EVI5: variants seen among roughly 807,000 people sequenced by gnomAD.
EVI5 encodes the protein ecotropic viral integration site 5.
A neutral mutation model predicts 112.0 loss-of-function variants in EVI5; 73 were observed. That is an observed-to-expected ratio of 0.65 (90% CI 0.54 to 0.79). The LOEUF (loss-of-function observed/expected upper bound fraction) is 0.79, where lower values mean the gene tolerates loss of function less well. Among genes scored for constraint, EVI5 ranks in the 30% least tolerant of loss-of-function variants. EVI5 has a pLI of 0.00. For missense variants in EVI5, 900 were observed against 968.8 expected (o/e 0.93, Z 0.94); for synonymous variants, 305 against 319.9 (o/e 0.95, Z 0.50).
intron 2 of EVI5, among the ~76,000 whole-genome samples, chr1:92,729,577 C>G (rs964218930): frequency 6.6e-6 from 1 of 152,030 alleles, no homozygotes; most frequent in Non-Finnish European, 1.5e-5. Context: ...ACCAAAGATA[C>G]CAAAGATACC....
At chr1:92,556,767 C>G (rs181952741) in intron 19 of EVI5, among the ~76,000 whole-genome samples, 1 of 152,184 alleles carries the variant, frequency 6.6e-6, no homozygotes, top group Non-Finnish European at 1.5e-5. Flanking sequence ...AAACAGATAT[C>G]AGAATTTAAA....
At chr1:92,605,183 T>C (rs1571845055) in intron 18 of EVI5, 124 bp downstream of exon 18, 1 of 682,398 alleles carries the variant, frequency 1.5e-6, no homozygotes, top group Middle Eastern at 2.6e-4. Flanking sequence ...TAAAAAAAAA[T>C]TGGAAATGAA....
chr1:92,689,908 G>C (rs889267887), intron 9 of EVI5, among the ~76,000 whole-genome samples: 1 of 151,808 alleles, frequency 6.6e-6, no homozygotes, highest in Non-Finnish European at 1.5e-5. Flanking sequence ...TTTTGTTTAA[G>C]AGAGAGGGTC....
At chr1:92,627,085 A>C (rs1655839389) in intron 14 of EVI5, among the ~76,000 whole-genome samples, 1 of 152,156 alleles carries the variant, frequency 6.6e-6, no homozygotes, top group Non-Finnish European at 1.5e-5. Flanking sequence ...TTTAGTGGTG[A>C]TTTGTGAGAT....
chr1:92,565,968 A>AAAAAAAAAG, intron 18 of EVI5, among the ~76,000 whole-genome samples: 1 of 150,184 alleles, frequency 6.7e-6, no homozygotes, highest in Admixed American at 6.6e-5. Context: ...AAAAAAAAAA[A>AAAAAAAAAG]GAAATGTTCT....
intron 19 of EVI5, among the ~76,000 whole-genome samples, chr1:92,529,201 A>C (rs1298328073): frequency 6.6e-6 from 1 of 152,212 alleles, no homozygotes; most frequent in Non-Finnish European, 1.5e-5. Flanking sequence ...CTTCTTTCAA[A>C]GTTTAGAAAT....
At chr1:92,526,347 C>T (rs973241488) in intron 19 of EVI5, among the ~76,000 whole-genome samples, 5 of 152,248 alleles carry the variant, frequency 3.3e-5, no homozygotes. Context: ...GCATAAGCCG[C>T]CGTGCCCAGC....
At chr1:92,742,456 T>C (rs1196578610) in intron 1 of EVI5, among the ~76,000 whole-genome samples, 3 of 152,026 alleles carry the variant, frequency 2.0e-5, no homozygotes, top group East Asian at 2.0e-4. Context: ...GTGGATCACC[T>C]GAGGTCAGGA....
chr1:92,734,854 A>G (rs1570663114), intron 2 of EVI5, among the ~76,000 whole-genome samples: 1 of 152,166 alleles, frequency 6.6e-6, no homozygotes, highest in East Asian at 1.9e-4. Context: ...TTAAAAATCA[A>G]AGAATATATA....
chr1:92,702,678 C>T (rs1196334568), intron 4 of EVI5, among the ~76,000 whole-genome samples: 4 of 150,682 alleles, frequency 2.7e-5, no homozygotes, highest in East Asian at 1.9e-4. Context: ...TAGTGGCGGG[C>T]GCATGTAATC....
chr1:92,572,637 T>C (rs1223734950), intron 18 of EVI5, among the ~76,000 whole-genome samples: 2 of 152,076 alleles, frequency 1.3e-5, no homozygotes, highest in Admixed American at 6.6e-5. Context: ...CCCCATTATG[T>C]AGTGGTGATA....
intron 13 of EVI5, among the ~76,000 whole-genome samples, chr1:92,640,654 T>A (rs962338557): frequency 8.5e-5 from 13 of 152,336 alleles, no homozygotes; most frequent in African/African-American, 3.1e-4. Flanking sequence ...ATAGTGTTCA[T>A]GGTAATGTAA....
chr1:92,748,580 A>G (rs181423518), intron 1 of EVI5, among the ~76,000 whole-genome samples: 1 of 152,346 alleles, frequency 6.6e-6, no homozygotes, highest in Non-Finnish European at 1.5e-5. Flanking sequence ...ACATTATCCC[A>G]CAAAACAAAA....
intron 19 of EVI5, among the ~76,000 whole-genome samples, chr1:92,532,733 C>T (rs1663085302): frequency 6.6e-6 from 1 of 152,060 alleles, no homozygotes; most frequent in Admixed American, 6.6e-5. Flanking sequence ...TTCTTTGAAT[C>T]CAATGAGAAC....
chr1:92,760,444 A>G (rs1433402762), intron 1 of EVI5, among the ~76,000 whole-genome samples: 2 of 152,190 alleles, frequency 1.3e-5, no homozygotes, highest in Non-Finnish European at 2.9e-5. Flanking sequence ...AAAGTTGGCT[A>G]AAAGAAGCGG....
chr1:92,596,454 C>T (rs893349173), intron 18 of EVI5, among the ~76,000 whole-genome samples: 20 of 152,146 alleles, frequency 1.3e-4, no homozygotes, highest in African/African-American at 4.8e-4. Context: ...CCTCAAATGG[C>T]TTAGAACACT....
chr1:92,642,760 T>C (rs767836409), intron 13 of EVI5, among the ~76,000 whole-genome samples: 39 of 152,218 alleles, frequency 2.6e-4, no homozygotes, highest in South Asian at 4.2e-4. Context: ...TCTAGAATTA[T>C]AGAAAAGGGA....
At chr1:92,635,974 C>G (rs1658741404) in intron 14 of EVI5, among the ~76,000 whole-genome samples, 1 of 152,178 alleles carries the variant, frequency 6.6e-6, no homozygotes, top group Admixed American at 6.5e-5. Context: ...TCCAAAAGGG[C>G]TCTAATCTCC....
intron 9 of EVI5, among the ~76,000 whole-genome samples, chr1:92,684,837 T>C (rs1345174821): frequency 6.6e-6 from 1 of 152,082 alleles, no homozygotes; most frequent in Non-Finnish European, 1.5e-5. Context: ...AAGGGATCAA[T>C]TCAACAAGAA....
Sources: allele counts gnomAD v4.1 joint callset (sites outside exome capture counted in the v4.1 genomes callset), GRCh38; gene constraint gnomAD v4.1.1; transcripts MANE v1.5; gene names NCBI Gene and HGNC (gene_info 2026-07-23, HGNC 2026-07-21).